The following TTC28 variants were observed in gnomAD, a reference collection of about 807,000 sequenced individuals.
TTC28 encodes the protein tetratricopeptide repeat domain 28.
Under a neutral mutation model 198.0 loss-of-function variants are expected in TTC28, and 61 were observed. That is an observed-to-expected ratio of 0.31 (90% CI 0.25 to 0.38). The LOEUF is 0.38. Among genes scored for constraint, TTC28 ranks in the 10% least tolerant of loss-of-function variants. The pLI is 1.00. For synonymous variants in TTC28, 1,171 were observed against 1,297.8 expected, an observed-to-expected ratio of 0.90 and a Z score of 2.10; for missense variants, 2,678 against 3,164.0, an observed-to-expected ratio of 0.85 and a Z score of 3.69.
intron 1 of TTC28, among the ~76,000 whole-genome samples, chr22:28,663,402 G>C (rs1327972639): frequency 6.7e-6 from 1 of 149,766 alleles, no homozygotes; most frequent in African/African-American, 2.5e-5. Context: ...CATCTCACTA[G>C]GGAGTGCCAG....
intron 6 of TTC28, among the ~76,000 whole-genome samples, chr22:28,156,121 C>A (rs958149142): frequency 6.6e-6 from 1 of 152,212 alleles, no homozygotes; most frequent in East Asian, 1.9e-4. Flanking sequence ...ATAATGACAT[C>A]CCCTGCAATG....
chr22:28,629,806 T>TA lies in TTC28; in HGVS notation c.126dup (p.Ile43TyrfsTer7). 1 of 1,551,578 alleles carries TA rather than the reference T, an allele frequency of 6.4e-7. No individual in the cohort carries two copies. The highest frequency in any genetic ancestry group is 2.4e-5 in the East Asian group (1 of 40,918). On this transcript the variant is annotated frameshift_variant, in exon 2 of 23. Coordinates refer to ENST00000397906, the MANE Select transcript of TTC28 (RefSeq NM_001145418.2). LOFTEE classifies it high-confidence loss of function. ...GGTCCATCAGGACTTCTCTGGCCAA[T>TA]AGTGTCAGCACCAAAGAGAGGAATC...
At chr22:28,452,565 G>C (rs2047799025) in intron 2 of TTC28, among the ~76,000 whole-genome samples, 1 of 151,986 alleles carries the variant, frequency 6.6e-6, no homozygotes, top group African/African-American at 2.4e-5. Flanking sequence ...CTAATAACTT[G>C]TTGCTTAACT....
At chr22:28,256,959 G>C (rs1034201854) in intron 5 of TTC28, among the ~76,000 whole-genome samples, 7 of 152,196 alleles carry the variant, frequency 4.6e-5, no homozygotes, top group African/African-American at 1.4e-4. Flanking sequence ...AGAACTGTCT[G>C]AGCTCAGGAG....
intron 1 of TTC28, among the ~76,000 whole-genome samples, chr22:28,660,572 T>A (rs1009362255): frequency 6.6e-6 from 1 of 151,762 alleles, no homozygotes; most frequent in African/African-American, 2.4e-5. Flanking sequence ...TCACTCAGAC[T>A]GGAGTACAGT....
chr22:28,029,495 A>G (rs1377998078), intron 13 of TTC28, among the ~76,000 whole-genome samples: 1 of 152,178 alleles, frequency 6.6e-6, no homozygotes, highest in Non-Finnish European at 1.5e-5. Context: ...GGAGTCTGTG[A>G]TATCTTTCCA....
chr22:28,628,731 G>A (rs989120251), intron 2 of TTC28, among the ~76,000 whole-genome samples: 1 of 152,106 alleles, frequency 6.6e-6, no homozygotes, highest in African/African-American at 2.4e-5. Context: ...CTTGAGCTCA[G>A]GAGTTCGAGA....
intron 5 of TTC28, among the ~76,000 whole-genome samples, chr22:28,174,901 G>C (rs1450468463): frequency 1.3e-5 from 2 of 151,882 alleles, no homozygotes; most frequent in Non-Finnish European, 2.9e-5. Flanking sequence ...TCTGTTGGTT[G>C]GTTCCTTTGT....
At chr22:28,446,670 T>C (rs1473058423) in intron 2 of TTC28, among the ~76,000 whole-genome samples, 1 of 152,214 alleles carries the variant, frequency 6.6e-6, no homozygotes, top group Admixed American at 6.5e-5. Flanking sequence ...GAAGCAGATG[T>C]TGGTGCCATG....
chr22:28,358,763 T>C (rs1430646956), intron 2 of TTC28, among the ~76,000 whole-genome samples: 1 of 152,170 alleles, frequency 6.6e-6, no homozygotes. Flanking sequence ...GGTACCCATG[T>C]GTCCACTGGT....
At chr22:28,423,348 C>T (rs1406448941) in intron 2 of TTC28, among the ~76,000 whole-genome samples, 2 of 152,042 alleles carry the variant, frequency 1.3e-5, no homozygotes, top group African/African-American at 4.8e-5. Flanking sequence ...CAAGATTGCA[C>T]CACTGCACTC....
chr22:28,122,069 T>C (rs1942802179), intron 6 of TTC28, among the ~76,000 whole-genome samples: 1 of 152,212 alleles, frequency 6.6e-6, no homozygotes, highest in Non-Finnish European at 1.5e-5. Context: ...GGTTTTACCC[T>C]GTTGGCCAGG....
chr22:28,133,867 T>C (rs1355468897), intron 6 of TTC28, among the ~76,000 whole-genome samples: 1 of 152,154 alleles, frequency 6.6e-6, no homozygotes, highest in Non-Finnish European at 1.5e-5. Context: ...GAGTAGTGGT[T>C]CTCCCAGCAC....
chr22:28,553,511 G>A (rs1259935615), intron 2 of TTC28, among the ~76,000 whole-genome samples: 5 of 150,424 alleles, frequency 3.3e-5, no homozygotes, highest in Admixed American at 1.3e-4. Flanking sequence ...GTCTCTGCCC[G>A]GCCGCCCCGT....
intron 2 of TTC28, among the ~76,000 whole-genome samples, chr22:28,366,255 T>C (rs924059434): frequency 2.0e-5 from 3 of 152,192 alleles, no homozygotes; most frequent in Admixed American, 6.5e-5. Context: ...ATAGCCCATA[T>C]GACATTCTGC....
intron 6 of TTC28, 28 bp downstream of exon 6, chr22:28,163,064 G>C: frequency 6.6e-7 from 1 of 1,515,928 alleles, no homozygotes; most frequent in Non-Finnish European, 8.9e-7. Context: ...ACTTTGACCT[G>C]GGCTCTTACA....
intron 4 of TTC28, among the ~76,000 whole-genome samples, chr22:28,296,713 T>A (rs766822522): frequency 9.2e-5 from 14 of 152,196 alleles, no homozygotes; most frequent in Admixed American, 2.6e-4. Flanking sequence ...TACAAAAAAA[T>A]ATCTTTACAA....
chr22:28,507,962 T>A (rs568232398), intron 2 of TTC28, among the ~76,000 whole-genome samples: 14 of 152,238 alleles, frequency 9.2e-5, no homozygotes, highest in Admixed American at 2.6e-4. Flanking sequence ...CACACTGAAG[T>A]ACATAGACCA....
chr22:28,670,912 G>A (rs188156369), intron 1 of TTC28, among the ~76,000 whole-genome samples: 2 of 152,098 alleles, frequency 1.3e-5, no homozygotes, highest in Non-Finnish European at 2.9e-5. Flanking sequence ...GATGTAAAGT[G>A]GATCTCATTG....
Sources: gnomAD v4.1 joint callset for allele counts (sites outside exome capture counted in the v4.1 genomes callset) on GRCh38, gnomAD v4.1.1 for gene constraint, MANE v1.5 for transcripts, NCBI Gene and HGNC (gene_info 2026-07-23, HGNC 2026-07-21) for gene names.